Variants in CCDC110 observed in about 807,000 individuals in gnomAD.
CCDC110 encodes coiled-coil domain-containing protein 110.
CCDC110 carries 70 observed loss-of-function variants against 77.1 expected under a neutral mutation model. The observed-to-expected ratio is 0.91, with a 90% CI of 0.75 to 1.11. CCDC110 has a LOEUF of 1.11. Among genes scored for constraint, CCDC110 ranks in the 50% least tolerant of loss-of-function variants. The pLI is 0.00. For synonymous variants in CCDC110, 295 were observed against 312.5 expected, an observed-to-expected ratio of 0.94 and a Z score of 0.59; for missense variants, 868 against 942.9, an observed-to-expected ratio of 0.92 and a Z score of 1.04.
intron 1 of CCDC110, 153 bp downstream of exon 1, chr4:185,471,521 A>T (rs1453039837): frequency 1.3e-6 from 1 of 792,318 alleles, no homozygotes; most frequent in Admixed American, 3.0e-5. Flanking sequence ...GCGGGTGCTC[A>T]GCCCTAGGGC....
At chr4:185,454,974 T>A (rs2095634086) in intron 6 of CCDC110, among the ~76,000 whole-genome samples, 1 of 152,126 alleles carries the variant, frequency 6.6e-6, no homozygotes, top group African/African-American at 2.4e-5. Context: ...ATAATGTTCG[T>A]ACAAGGTGAA....
At chr4:185,460,788 C>T (rs13128905) in intron 5 of CCDC110, 14,446 of 371,022 alleles carry the variant, frequency 0.039, 741 homozygotes, top group Non-Finnish European at 0.055. Flanking sequence ...AACTGCCTTG[C>T]ATTTGAATTT....
At chr4:185,452,313 G>C in intron 6 of CCDC110, 1 of 985,374 alleles carries the variant, frequency 1.0e-6, no homozygotes, top group Non-Finnish European at 1.2e-6. Flanking sequence ...AAATAAGCTT[G>C]CTCAGCCAGA....
intron 2 of CCDC110, among the ~76,000 whole-genome samples, chr4:185,467,116 G>A (rs1440730175): frequency 6.6e-6 from 1 of 152,080 alleles, no homozygotes; most frequent in Non-Finnish European, 1.5e-5. Flanking sequence ...TTTTTGCAGA[G>A]GATTTGAAGA....
chr4:185,453,703 C>G (rs575843534), intron 6 of CCDC110, among the ~76,000 whole-genome samples: 188 of 152,104 alleles, frequency 1.2e-3, no homozygotes, highest in Non-Finnish European at 2.5e-3. Context: ...TGCCACCACA[C>G]CTGGCTAATT....
chr4:185,456,262 G>C (rs2095635841), intron 6 of CCDC110, among the ~76,000 whole-genome samples: 2 of 152,120 alleles, frequency 1.3e-5, no homozygotes, highest in Admixed American at 6.5e-5. Flanking sequence ...TTGGGTCAAA[G>C]AATAAATCAC....
At chr4:185,447,433 G>A (rs1346816799) in intron 6 of CCDC110, among the ~76,000 whole-genome samples, 1 of 152,136 alleles carries the variant, frequency 6.6e-6, no homozygotes, top group African/African-American at 2.4e-5. Context: ...ACCCACCTTG[G>A]CCTCCCAAAG....
At chr4:185,451,108 C>T (rs967373731) in intron 6 of CCDC110, among the ~76,000 whole-genome samples, 16 of 152,138 alleles carry the variant, frequency 1.1e-4, no homozygotes, top group South Asian at 2.1e-4. Flanking sequence ...GGGTTTCCCT[C>T]TCGCTTGATT....
chr4:185,447,428 C>G (rs868432173), intron 6 of CCDC110, among the ~76,000 whole-genome samples: 1 of 152,318 alleles, frequency 6.6e-6, no homozygotes, highest in East Asian at 1.9e-4. Flanking sequence ...GATCCACCCA[C>G]CTTGGCCTCC....
chr4:185,467,258 C>T (rs1448680342), intron 2 of CCDC110, among the ~76,000 whole-genome samples: 1 of 152,224 alleles, frequency 6.6e-6, no homozygotes, highest in Non-Finnish European at 1.5e-5. Context: ...AGAGAGTAGG[C>T]AGGGAGTCGG....
chr4:185,446,794 T>C (rs1054846470), intron 6 of CCDC110, among the ~76,000 whole-genome samples: 3 of 152,236 alleles, frequency 2.0e-5, no homozygotes, highest in African/African-American at 7.2e-5. Context: ...ATAAAAAAAA[T>C]TGAAGTTATC....
intron 2 of CCDC110, among the ~76,000 whole-genome samples, chr4:185,463,890 G>A (rs2095650854): frequency 6.6e-6 from 1 of 152,144 alleles, no homozygotes; most frequent in Non-Finnish European, 1.5e-5. Context: ...GTGCTTGACT[G>A]TTGTGTTTTG....
intron 6 of CCDC110, chr4:185,449,553 C>A: frequency 1.6e-6 from 2 of 1,258,080 alleles, no homozygotes; most frequent in Non-Finnish European, 1.1e-6. Flanking sequence ...AGGTATTTGA[C>A]TTGCACCTAT....
chr4:185,463,841 C>T (rs990804219), intron 2 of CCDC110, among the ~76,000 whole-genome samples: 2 of 152,172 alleles, frequency 1.3e-5, no homozygotes, highest in Non-Finnish European at 2.9e-5. Flanking sequence ...TGATCTTGCT[C>T]CGTCTCTTCA....
At position 185,459,718 on chromosome 4, in the gene CCDC110, T is replaced by G; in HGVS notation, c.869A>C (p.Lys290Thr). ...GTTTTCTTCCTTAATAAAGTTCATT[T>G]TATCCTGGTGAATAGGGGACATGTC... The part of the protein sequence containing the change: ...KYDMSPIHQD[K>T]MNFIKEENLD... The change falls in exon 6 of 7, where the codon AAA (lysine) becomes ACA (threonine). Residue 290 changes from lysine (K) to threonine (T), a missense_variant. Coordinates refer to ENST00000307588, the MANE Select transcript of CCDC110 (RefSeq NM_152775.4). The G allele has an allele frequency of 1.2e-6, 2 of 1,613,556 alleles. No individual in the cohort carries two copies. The highest frequency in any genetic ancestry group is 1.7e-6 in the Non-Finnish European group (2 of 1,179,850).
chr4:185,462,984 A>G lies in CCDC110; in HGVS notation c.171+10T>C, dbSNP rs372837085. On this transcript the variant is annotated intron_variant, in intron 3 of 6. Coordinates refer to ENST00000307588, the MANE Select transcript of CCDC110 (RefSeq NM_152775.4). Reference sequence around the variant, plus strand: ...AATTTTGGAGATGATAAAATGGAATATAGACTCACTTTCAATGCTGATTGT... The same window carrying G: ...AATTTTGGAGATGATAAAATGGAATGTAGACTCACTTTCAATGCTGATTGT... The G allele has an allele frequency of 1.5e-4, 242 of 1,608,758 alleles. No individual in the cohort carries two copies. The highest frequency in any genetic ancestry group is 3.0e-4 in the Admixed American group (18 of 59,994).
chr4:185,462,762 C>A, intron 3 of CCDC110, 54 bp from the exon 4 acceptor site: 2 of 1,436,860 alleles, frequency 1.4e-6, no homozygotes, highest in South Asian at 2.3e-5. Context: ...TAAACGTATT[C>A]TTGAATTGTT....
chr4:185,450,822 C>G (rs570086250), intron 6 of CCDC110, among the ~76,000 whole-genome samples: 1 of 151,840 alleles, frequency 6.6e-6, no homozygotes, highest in African/African-American at 2.4e-5. Context: ...ATTGATAGCC[C>G]TCATTCACCA....
At chr4:185,452,265 G>A (rs547405114) in intron 6 of CCDC110, 7 of 985,248 alleles carry the variant, frequency 7.1e-6, no homozygotes, top group East Asian at 2.3e-4. Flanking sequence ...GTATGACTTG[G>A]GTAGTTTTCT....
Sources: allele counts gnomAD v4.1 joint callset (sites outside exome capture counted in the v4.1 genomes callset), GRCh38; gene constraint gnomAD v4.1.1; transcripts MANE v1.5; gene names NCBI Gene and HGNC (gene_info 2026-07-23, HGNC 2026-07-21).